The following INPP4A variants were observed in gnomAD, a reference collection of about 807,000 sequenced individuals.
INPP4A encodes inositol polyphosphate-4-phosphatase, type I, 107kD.
In INPP4A, 33 loss-of-function variants were observed where a neutral mutation model predicts 119.8. The observed-to-expected ratio is 0.28, with a 90% CI of 0.21 to 0.37. The LOEUF is 0.37. INPP4A is among the 10% of genes least tolerant of loss of function. INPP4A has a pLI of 1.00. For missense variants in INPP4A, 956 were observed against 1,289.9 expected (o/e 0.74, Z 3.97); for synonymous variants, 496 against 500.7 (o/e 0.99, Z 0.12).
Position 98,480,431 on chromosome 2 carries a change from A to G in INPP4A, c.-166+35346A>G, listed in dbSNP as rs183281970. Among the ~76,000 whole-genome samples, 154 of 152,268 alleles carry G rather than the reference A, an allele frequency of 1.0e-3. 1 individual carries two copies. The highest frequency in any genetic ancestry group is 3.2e-3 in the African/African-American group (134 of 41,552). On this transcript the variant is annotated intron_variant, in intron 1 of 24. Coordinates refer to ENST00000409851, the MANE Select transcript of INPP4A (RefSeq NM_001134225.2). ...AGGTGGAGTGACTTACCAGATTTTT[A>G]TCTGGTGCCCTATCATATGCTCTTA... is the stretch of plus-strand genomic sequence containing the variant.
chr2:98,546,608 C>T lies in INPP4A; in HGVS notation c.1077C>T (p.Thr359=), dbSNP rs749981478. 2.5e-6 allele frequency: 4 copies of T among 1,613,662 alleles called. No individual in the cohort carries two copies. Among genetic ancestry groups the T allele is most frequent in the Non-Finnish European group, 3.4e-6 (4 of 1,179,594 alleles). ...GGSDQNYDIV[T]IGAPAAHCQG... ...CAGATCAGAACTACGACATCGTCAC[C>T]ATTGGGGCGCCAGCAGCACACTGCC... Residue 359 remains threonine, a synonymous_variant, in exon 13 of 25, where the codon ACC becomes ACT. Coordinates refer to ENST00000409851, the MANE Select transcript of INPP4A (RefSeq NM_001134225.2). The surrounding 1 kb of genome is among the most constrained non-coding windows in gnomAD (Gnocchi z 4.2).
chr2:98,479,279 T>TGGG (rs923667947), intron 1 of INPP4A, among the ~76,000 whole-genome samples: 1 of 152,166 alleles, frequency 6.6e-6, no homozygotes, highest in African/African-American at 2.4e-5. Context: ...GTGGTGCTGA[T>TGGG]GGGGGGTATC....
At chr2:98,578,475 A>G (rs768876701) in intron 24 of INPP4A, among the ~76,000 whole-genome samples, 4 of 152,092 alleles carry the variant, frequency 2.6e-5, no homozygotes, top group Non-Finnish European at 4.4e-5. Flanking sequence ...GGAAACCTCT[A>G]CTCAGTTCTC....
intron 1 of INPP4A, among the ~76,000 whole-genome samples, chr2:98,467,146 G>A (rs766805994): frequency 6.6e-6 from 1 of 152,090 alleles, no homozygotes; most frequent in Non-Finnish European, 1.5e-5. Flanking sequence ...GGTGGTGGTG[G>A]TGTCCCAGGC....
At chr2:98,553,346 G>A (rs1693882464) in intron 14 of INPP4A, among the ~76,000 whole-genome samples, 1 of 116,326 alleles carries the variant, frequency 8.6e-6, no homozygotes, top group African/African-American at 3.5e-5. Flanking sequence ...AACAGAAACT[G>A]AGCTATTATA....
chr2:98,451,578 T>G (rs1695234078), intron 1 of INPP4A, among the ~76,000 whole-genome samples: 1 of 152,054 alleles, frequency 6.6e-6, no homozygotes, highest in South Asian at 2.1e-4. Context: ...CCTCACTAGG[T>G]GGTATTCTGA....
At chr2:98,523,813 C>T (rs530859259) in intron 4 of INPP4A, among the ~76,000 whole-genome samples, 2 of 152,124 alleles carry the variant, frequency 1.3e-5, no homozygotes, top group Non-Finnish European at 2.9e-5. Flanking sequence ...ACCTTCAATA[C>T]AGAAAATGTT....
At chr2:98,525,992 A>G (rs1688112994) in intron 4 of INPP4A, among the ~76,000 whole-genome samples, 1 of 152,260 alleles carries the variant, frequency 6.6e-6, no homozygotes, top group Non-Finnish European at 1.5e-5. Context: ...GTTCACAAAA[A>G]GACATGAACA....
At chr2:98,541,144 G>T (rs1333453470) in intron 10 of INPP4A, among the ~76,000 whole-genome samples, 1 of 152,086 alleles carries the variant, frequency 6.6e-6, no homozygotes, top group Non-Finnish European at 1.5e-5. Context: ...TGACTAACAC[G>T]GTGAAACCTC....
intron 2 of INPP4A, 200 bp from the exon 3 acceptor site, chr2:98,519,746 G>A: frequency 5.1e-6 from 2 of 395,136 alleles, no homozygotes; most frequent in South Asian, 6.0e-5. Context: ...GGGATCCCAT[G>A]GACACCCTGT....
intron 23 of INPP4A, among the ~76,000 whole-genome samples, chr2:98,574,653 AGAATGCAGAGGG>A (rs1427955902): frequency 2.0e-5 from 3 of 151,278 alleles, no homozygotes; most frequent in African/African-American, 7.3e-5. Context: ...AAAAAAAAAA[AGAATGCAGAGGG>A]TGACACAGCT....
At chr2:98,454,176 AAG>A (rs371667206) in intron 1 of INPP4A, among the ~76,000 whole-genome samples, 59 of 149,418 alleles carry the variant, frequency 3.9e-4, no homozygotes, top group Admixed American at 5.3e-4. Context: ...ATTTCTACAT[AAG>A]AGAGAGAGAG....
At chr2:98,487,385 T>C (rs1341079935) in intron 1 of INPP4A, among the ~76,000 whole-genome samples, 1 of 152,130 alleles carries the variant, frequency 6.6e-6, no homozygotes, top group African/African-American at 2.4e-5. Context: ...CAGAATCAAT[T>C]TTTATTTTAT....
intron 22 of INPP4A, among the ~76,000 whole-genome samples, chr2:98,572,208 G>C (rs1453956366): frequency 6.6e-6 from 1 of 152,214 alleles, no homozygotes; most frequent in African/African-American, 2.4e-5. Flanking sequence ...AGTTTTGTCT[G>C]GGGTTTCTTG....
intron 2 of INPP4A, 146 bp from the exon 3 acceptor site, chr2:98,519,800 C>T (rs1046804310): frequency 8.7e-5 from 43 of 495,054 alleles, no homozygotes; most frequent in Admixed American, 6.9e-5. Flanking sequence ...GGGCAGGGAG[C>T]AGTGGACAGT....
rs531219242 is a variant in INPP4A at position 98,520,219 on chromosome 2, C to T, written c.106+65C>T. ...CTCACAGCACCTGGGCTCCACACTG[C>T]AGCAGTGCTGGCAGGTACCCAATGA... On this transcript the variant is annotated intron_variant, in intron 3 of 24. Transcript: ENST00000409851. 903 of 1,222,662 alleles carry T rather than the reference C, an allele frequency of 7.4e-4. 3 individuals carry two copies. The highest frequency in any genetic ancestry group is 1.2e-3 in the South Asian group (95 of 76,968). 75.7% of individuals were successfully genotyped at this position (1,222,662 alleles called of 1,614,324 possible). A position where few individuals can be genotyped will look rare whatever the true frequency, so the allele number is the denominator to read the frequency against.
At chr2:98,576,788 G>T (rs1177206290) in intron 23 of INPP4A, among the ~76,000 whole-genome samples, 1 of 152,236 alleles carries the variant, frequency 6.6e-6, no homozygotes, top group African/African-American at 2.4e-5. Flanking sequence ...AAGGGCTGGT[G>T]TCTGTAAGTG....
chr2:98,485,072 G>A (rs1295663456), intron 1 of INPP4A, among the ~76,000 whole-genome samples: 1 of 152,022 alleles, frequency 6.6e-6, no homozygotes, highest in East Asian at 1.9e-4. Flanking sequence ...TGGTAGCTGA[G>A]TAAACTCCAG....
intron 7 of INPP4A, among the ~76,000 whole-genome samples, chr2:98,536,855 A>G (rs1690383027): frequency 6.6e-6 from 1 of 152,252 alleles, no homozygotes; most frequent in South Asian, 2.1e-4. Context: ...CTATAAGTAA[A>G]GACAGTATTG....
Sources: gnomAD v4.1 joint callset for allele counts (sites outside exome capture counted in the v4.1 genomes callset) on GRCh38, gnomAD v4.1.1 for gene constraint, Gnocchi (gnomAD v3.1) non-coding constraint, MANE v1.5 for transcripts, NCBI Gene and HGNC (gene_info 2026-07-23, HGNC 2026-07-21) for gene names.